The following GABRB1 variants were observed in gnomAD, a reference collection of about 807,000 sequenced individuals.
GABRB1 encodes the protein gamma-aminobutyric acid receptor subunit beta-1.
A neutral mutation model predicts 51.6 loss-of-function variants in GABRB1; 17 were observed. The ratio of observed to expected loss-of-function variants is 0.33; its 90% CI spans 0.23 to 0.49. GABRB1 has a LOEUF of 0.49. Ranked by LOEUF, GABRB1 falls within the 20% of genes least tolerant of loss-of-function variation. GABRB1 has a pLI of 0.99. For missense variants in GABRB1, 410 were observed against 600.6 expected (o/e 0.68, Z 3.32); for synonymous variants, 247 against 218.9 (o/e 1.13, Z -1.14).
chr4:47,388,214 A>AT (rs1727868778), intron 5 of GABRB1, among the ~76,000 whole-genome samples: 1 of 152,242 alleles, frequency 6.6e-6, no homozygotes, highest in South Asian at 2.1e-4. Flanking sequence ...TATGTTTAAC[A>AT]TGGAATGTGA....
chr4:47,178,848 A>G (rs1718813751), intron 4 of GABRB1, among the ~76,000 whole-genome samples: 1 of 152,136 alleles, frequency 6.6e-6, no homozygotes. Flanking sequence ...ATGTAGAGAA[A>G]ATACAGTATA....
At chr4:47,419,936 T>C (rs544883758) in intron 8 of GABRB1, among the ~76,000 whole-genome samples, 1 of 152,284 alleles carries the variant, frequency 6.6e-6, no homozygotes, top group African/African-American at 2.4e-5. Context: ...AGAGGAAGCG[T>C]TTCTCGATTG....
At chr4:47,018,626 T>C (rs902592573) in intron 1 of GABRB1, among the ~76,000 whole-genome samples, 5 of 152,160 alleles carry the variant, frequency 3.3e-5, no homozygotes, top group African/African-American at 1.2e-4. Flanking sequence ...CACAAGCAGT[T>C]GATTGACACA....
chr4:47,238,370 T>G (rs1403186695), intron 4 of GABRB1, among the ~76,000 whole-genome samples: 1 of 152,152 alleles, frequency 6.6e-6, no homozygotes, highest in Non-Finnish European at 1.5e-5. Flanking sequence ...TAACTATTTT[T>G]TAGAAAATCA....
intron 4 of GABRB1, among the ~76,000 whole-genome samples, chr4:47,187,941 C>A (rs998419285): frequency 6.6e-6 from 1 of 151,990 alleles, no homozygotes; most frequent in African/African-American, 2.4e-5. Flanking sequence ...TTCACTTCCA[C>A]CATGCCATCT....
chr4:47,389,903 T>C (rs989685045), intron 5 of GABRB1, among the ~76,000 whole-genome samples: 4 of 152,220 alleles, frequency 2.6e-5, no homozygotes, highest in African/African-American at 4.8e-5. Flanking sequence ...ACTATGCTTA[T>C]TTCAGTAGGT....
At chr4:47,377,910 T>G (rs1727446633) in intron 5 of GABRB1, among the ~76,000 whole-genome samples, 1 of 152,192 alleles carries the variant, frequency 6.6e-6, no homozygotes, top group African/African-American at 2.4e-5. Flanking sequence ...GATTGGTGTA[T>G]TTACAATCCC....
intron 3 of GABRB1, among the ~76,000 whole-genome samples, chr4:47,054,367 G>A (rs889845742): frequency 9.2e-5 from 14 of 152,144 alleles, no homozygotes; most frequent in African/African-American, 2.4e-4. Flanking sequence ...TGCTTGCCAC[G>A]TGATCTTCTA....
rs150487440 is a variant in GABRB1, at chr4:47,345,747, G to A, written c.544+25538G>A. Among the ~76,000 whole-genome samples, 1,197 of 152,164 alleles carry A rather than the reference G, an allele frequency of 7.9e-3. 13 individuals carry two copies. The highest frequency in any genetic ancestry group is 0.025 in the African/African-American group (1,041 of 41,530). ...TGCCACAAGTAGAAAATGTTACTCC[G>A]GACCTCATGTCACTGGTTATAGTCG... On this transcript the variant is annotated intron_variant, in intron 5 of 8. Transcript: ENST00000295454.
chr4:47,120,608 G>C (rs1164988096), intron 3 of GABRB1, among the ~76,000 whole-genome samples: 1 of 152,182 alleles, frequency 6.6e-6, no homozygotes, highest in Non-Finnish European at 1.5e-5. Flanking sequence ...CATGTCTCAA[G>C]AGTCTCACTG....
At chr4:47,077,599 T>A (rs955393447) in intron 3 of GABRB1, among the ~76,000 whole-genome samples, 1 of 151,800 alleles carries the variant, frequency 6.6e-6, no homozygotes, top group Admixed American at 6.6e-5. Context: ...CTAAAAATAC[T>A]GCACATTCTC....
intron 4 of GABRB1, among the ~76,000 whole-genome samples, chr4:47,194,521 C>T (rs993625216): frequency 1.3e-5 from 2 of 152,120 alleles, no homozygotes. Flanking sequence ...CTTCTTTTTG[C>T]TCACTGAATT....
chr4:47,165,492 C>G (rs149460374), intron 4 of GABRB1, among the ~76,000 whole-genome samples: 1 of 152,194 alleles, frequency 6.6e-6, no homozygotes, highest in East Asian at 1.9e-4. Flanking sequence ...CCAAAACAAT[C>G]ACTGGTTCTC....
chr4:47,104,121 G>A (rs1277803777), intron 3 of GABRB1, among the ~76,000 whole-genome samples: 5 of 151,604 alleles, frequency 3.3e-5, no homozygotes, highest in Non-Finnish European at 7.4e-5. Context: ...TTTCTATGAA[G>A]AAAAAGGGTT....
intron 4 of GABRB1, among the ~76,000 whole-genome samples, chr4:47,261,144 C>T (rs1269690014): frequency 6.6e-6 from 1 of 152,170 alleles, no homozygotes; most frequent in Non-Finnish European, 1.5e-5. Flanking sequence ...TGGCACAAGA[C>T]AGGGATGCCC....
At chr4:47,222,322 T>C (rs1482107269) in intron 4 of GABRB1, among the ~76,000 whole-genome samples, 1 of 152,158 alleles carries the variant, frequency 6.6e-6, no homozygotes, top group African/African-American at 2.4e-5. Context: ...TGTGCCTCTG[T>C]GGCACGTTGC....
chr4:47,398,951 C>T (rs55657029), intron 5 of GABRB1, among the ~76,000 whole-genome samples: 13,541 of 152,202 alleles, frequency 0.089, 660 homozygotes, highest in East Asian at 0.13. Flanking sequence ...CCACCACGTC[C>T]GGCTAATTTT....
intron 4 of GABRB1, among the ~76,000 whole-genome samples, chr4:47,202,346 G>C (rs779213593): frequency 1.3e-5 from 2 of 152,082 alleles, no homozygotes; most frequent in African/African-American, 2.4e-5. Flanking sequence ...ATGCTGATCT[G>C]TTTTCTTCAG....
At chr4:47,241,455 G>T (rs1721518392) in intron 4 of GABRB1, among the ~76,000 whole-genome samples, 1 of 152,114 alleles carries the variant, frequency 6.6e-6, no homozygotes, top group Non-Finnish European at 1.5e-5. Flanking sequence ...GAGATTAGCA[G>T]CCTGGCACAC....
Sources: allele counts gnomAD v4.1 joint callset (sites outside exome capture counted in the v4.1 genomes callset), GRCh38; gene constraint gnomAD v4.1.1; transcripts MANE v1.5; gene names NCBI Gene and HGNC (gene_info 2026-07-23, HGNC 2026-07-21).